SHROOM4: variants seen among roughly 807,000 people sequenced by gnomAD.
SHROOM4 encodes protein Shroom4.
SHROOM4 carries 17 observed loss-of-function variants against 80.3 expected under a neutral mutation model. The observed-to-expected ratio is 0.21, with a 90% CI of 0.14 to 0.32. SHROOM4 has a LOEUF of 0.32. Ranked by LOEUF, SHROOM4 falls within the 10% of genes least tolerant of loss-of-function variation. The pLI is 1.00. For missense variants in SHROOM4, 993 were observed against 1,140.3 expected (o/e 0.87, Z 1.86); for synonymous variants, 400 against 437.5 (o/e 0.91, Z 1.07).
At chrX:50,763,775 C>G (rs57411794) in intron 1 of SHROOM4, among the ~76,000 whole-genome samples, 205 of 111,354 alleles carry the variant, frequency 1.8e-3, no homozygotes, top group African/African-American at 6.5e-3. Context: ...TTGGGGAATA[C>G]TTATAAATTG....
chrX:50,703,549 G>A (rs1186751632), intron 1 of SHROOM4, among the ~76,000 whole-genome samples: 3 of 111,503 alleles, frequency 2.7e-5, no homozygotes, highest in African/African-American at 9.8e-5. Context: ...CCCACATGTG[G>A]AGGGAGTGAC....
Position 50,611,149 on chromosome X carries a change from T to C in SHROOM4, c.2958-2965A>G, listed in dbSNP as rs1312876834. Among the ~76,000 whole-genome samples, 24 of 84,641 alleles carry C rather than the reference T, an allele frequency of 2.8e-4. 1 individual carries two copies. The highest frequency in any genetic ancestry group is 3.4e-4 in the Non-Finnish European group (15 of 43,876). 73.5% of individuals were successfully genotyped at this position (84,641 alleles called of 115,157 possible). On this transcript the variant is annotated intron_variant, in intron 5 of 8. Coordinates refer to ENST00000376020, the MANE Select transcript of SHROOM4 (RefSeq NM_020717.5). Reference sequence around the variant, plus strand: ...AGACCATATTTTCTTTTTTTCTTTTTTTTTTTTTTTTTTTTTTGAGACGGA... The same window carrying C: ...AGACCATATTTTCTTTTTTTCTTTTCTTTTTTTTTTTTTTTTTGAGACGGA...
intron 1 of SHROOM4, among the ~76,000 whole-genome samples, chrX:50,728,134 C>T (rs978081295): frequency 6.3e-5 from 7 of 110,794 alleles, no homozygotes; most frequent in South Asian, 3.9e-4. Flanking sequence ...CTGAGGTGGG[C>T]GGTTCACGAA....
Position 50,595,678 on chromosome X carries a change from A to G in SHROOM4, c.*1017T>C. The stretch of plus-strand genomic sequence containing the variant: ...CGGTAGCTATGGTGGGAACAATTCA[A>G]CGCCTTGGCACTTGCTTACCTAGCC... On this transcript the variant is annotated 3_prime_UTR_variant, in exon 9 of 9. Transcript: ENST00000376020. 1 of 266,973 alleles carries G rather than the reference A, an allele frequency of 3.7e-6. No homozygotes were observed. Among genetic ancestry groups the G allele is most frequent in the Non-Finnish European group, 6.9e-6 (1 of 144,422 alleles). 22.0% of individuals were successfully genotyped at this position (266,973 alleles called of 1,213,427 possible). A position where few individuals can be genotyped will look rare whatever the true frequency, so the allele number is the denominator to read the frequency against.
intron 1 of SHROOM4, among the ~76,000 whole-genome samples, chrX:50,756,955 T>C (rs1935051724): frequency 8.9e-6 from 1 of 111,930 alleles, no homozygotes; most frequent in African/African-American, 3.2e-5. Flanking sequence ...ACTTTCTGGA[T>C]GGTATCTTTA....
Position 50,666,070 on chromosome X carries a change from A to G in SHROOM4, c.270-27762T>C, listed in dbSNP as rs1557260329. On this transcript the variant is annotated intron_variant, in intron 2 of 8. Transcript: ENST00000376020. ...TTCTCCAAAACTCAGCCCCGTTTAT[A>G]CAGGGAAAATAGATGGGATCTGGAG... 2.7e-5 allele frequency among the ~76,000 whole-genome samples: 3 copies of G among 112,248 alleles called. No homozygotes were observed. In the South Asian group the frequency reaches 1.1e-3, roughly 42 times the overall value.
At chrX:50,747,803 GAC>G (rs1398902828) in intron 1 of SHROOM4, among the ~76,000 whole-genome samples, 1 of 112,173 alleles carries the variant, frequency 8.9e-6, no homozygotes, top group Non-Finnish European at 1.9e-5. Flanking sequence ...GGCAGGGCAA[GAC>G]TGGCAGGAGG....
intron 1 of SHROOM4, among the ~76,000 whole-genome samples, chrX:50,736,385 T>C (rs1934492193): frequency 9.0e-6 from 1 of 110,980 alleles, no homozygotes; most frequent in Admixed American, 9.6e-5. Context: ...GCATTAGCTG[T>C]TTTTCCTAAC....
At chrX:50,585,248 A>G (rs1187966141), downstream of SHROOM4, among the ~76,000 whole-genome samples, 3 of 111,853 alleles carry the variant, frequency 2.7e-5, no homozygotes, top group Admixed American at 2.8e-4. Context: ...AGTGTAAACA[A>G]TGATCATATC....
intron 1 of SHROOM4, among the ~76,000 whole-genome samples, chrX:50,750,425 C>A (rs1934888664): frequency 9.0e-6 from 1 of 111,505 alleles, no homozygotes; most frequent in African/African-American, 3.3e-5. Flanking sequence ...CCACACCTGG[C>A]TAATTTTTGT....
intron 1 of SHROOM4, among the ~76,000 whole-genome samples, chrX:50,723,362 G>A (rs1196387285): frequency 1.9e-5 from 1 of 53,813 alleles, no homozygotes; most frequent in African/African-American, 6.3e-5. Context: ...GGGAGGGAAG[G>A]AAGGAGGGAG....
At position 50,625,889 on chromosome X, in the gene SHROOM4, A is replaced by G. The variant is rs1195818984; in HGVS notation, c.2957+1725T>C. ...CCTGCCTAGGCTGGTCCAGTGCTTC[A>G]CTACTCACCTTTCTTCTCTGCTGCT... On this transcript the variant is annotated intron_variant, in intron 5 of 8. Transcript: ENST00000376020. Among the ~76,000 whole-genome samples the G allele has an allele frequency of 5.4e-4, 61 of 112,060 alleles. 1 individual carries two copies. Among genetic ancestry groups the G allele is most frequent in the Non-Finnish European group, 1.9e-4 (10 of 53,184 alleles).
chrX:50,765,124 T>C (rs532945073), intron 1 of SHROOM4, among the ~76,000 whole-genome samples: 2 of 111,804 alleles, frequency 1.8e-5, no homozygotes, highest in South Asian at 7.6e-4. Flanking sequence ...TTATGGGAGC[T>C]ACAATTTAAG....
At chrX:50,766,608 C>A (rs1935282617) in intron 1 of SHROOM4, among the ~76,000 whole-genome samples, 1 of 111,157 alleles carries the variant, frequency 9.0e-6, no homozygotes, top group African/African-American at 3.3e-5. Context: ...GAAAAAAACA[C>A]CCTGGGGGAG....
intron 2 of SHROOM4, among the ~76,000 whole-genome samples, chrX:50,646,015 G>A (rs7059468): frequency 0.017 from 1,866 of 111,501 alleles, 43 homozygotes; most frequent in African/African-American, 0.057. Flanking sequence ...CTGTCTTTGA[G>A]CCTGGCTCCC....
chrX:50,787,623 A>G (rs1278546152), intron 1 of SHROOM4, among the ~76,000 whole-genome samples: 1 of 111,587 alleles, frequency 9.0e-6, no homozygotes, highest in Non-Finnish European at 1.9e-5. Flanking sequence ...TTATAATCAA[A>G]TTGTCCATAG....
chrX:50,612,552 A>G (rs1930046424), intron 5 of SHROOM4, among the ~76,000 whole-genome samples: 1 of 111,791 alleles, frequency 8.9e-6, no homozygotes, highest in Non-Finnish European at 1.9e-5. Flanking sequence ...CATTGATACT[A>G]AAACCCAGCA....
At chrX:50,658,918 G>A (rs1331460353) in intron 2 of SHROOM4, among the ~76,000 whole-genome samples, 4 of 111,258 alleles carry the variant, frequency 3.6e-5, no homozygotes, top group African/African-American at 1.3e-4. Context: ...TTGATGCTGG[G>A]GACATTTCTT....
At chrX:50,684,567 T>C (rs1557262075) in intron 2 of SHROOM4, among the ~76,000 whole-genome samples, 1 of 111,879 alleles carries the variant, frequency 8.9e-6, no homozygotes, top group Non-Finnish European at 1.9e-5. Context: ...CTTTTCAAAA[T>C]AGTTTACCTG....
Sources: gnomAD v4.1 joint callset for allele counts (sites outside exome capture counted in the v4.1 genomes callset) on GRCh38, gnomAD v4.1.1 for gene constraint, MANE v1.5 for transcripts, NCBI Gene and HGNC (gene_info 2026-07-23, HGNC 2026-07-21) for gene names.